The following RALYL variants were observed in gnomAD, a reference collection of about 807,000 sequenced individuals.
The protein encoded by RALYL is RNA-binding Raly-like protein.
RALYL carries 29 observed loss-of-function variants against 35.1 expected under a neutral mutation model. The ratio of observed to expected loss-of-function variants is 0.83; its 90% CI spans 0.61 to 1.13. RALYL has a LOEUF of 1.13. Ranked by LOEUF, RALYL falls within the 50% of genes most tolerant of loss-of-function variation. RALYL has a pLI of 0.00. For synonymous variants in RALYL, 120 were observed against 127.6 expected (o/e 0.94, Z 0.40); for missense variants, 359 against 360.4 (o/e 1.00, Z 0.03).
At chr8:84,884,641 A>G (rs1417386363) in intron 7 of RALYL, among the ~76,000 whole-genome samples, 1 of 152,122 alleles carries the variant, frequency 6.6e-6, no homozygotes, top group Non-Finnish European at 1.5e-5. Context: ...AGAAATGGAT[A>G]TACTAGGCCA....
intron 2 of RALYL, among the ~76,000 whole-genome samples, chr8:84,657,973 T>C (rs1830256406): frequency 6.6e-6 from 1 of 152,134 alleles, no homozygotes; most frequent in Non-Finnish European, 1.5e-5. Context: ...TCTGTCTTGG[T>C]CAAGGGGATC....
intron 7 of RALYL, among the ~76,000 whole-genome samples, chr8:84,881,993 T>C (rs1184908349): frequency 6.6e-6 from 1 of 151,968 alleles, no homozygotes; most frequent in African/African-American, 2.4e-5. Context: ...TGCCTCAGTT[T>C]CCCCATGTGT....
rs1849257616 is a variant in RALYL at position 84,921,021 on chromosome 8, T to C, written c.*110T>C. 1 of 561,266 alleles carries C rather than the reference T, an allele frequency of 1.8e-6. No individual in the cohort carries two copies. The highest frequency in any genetic ancestry group is 3.0e-6 in the Non-Finnish European group (1 of 330,702). The allele number at this position is 561,266 out of a possible 1,614,324, so 34.8% of individuals were successfully genotyped here. A position where few individuals can be genotyped will look rare whatever the true frequency, so the allele number is the denominator to read the frequency against. On this transcript the variant is annotated 3_prime_UTR_variant, in exon 9 of 9. Transcript: ENST00000521268. ...AGCAGCATCTTTGGTTCAATTTATA[T>C]AAAAACCCAAATAAATAAAATGGAC... is the stretch of plus-strand genomic sequence containing the variant.
intron 4 of RALYL, among the ~76,000 whole-genome samples, chr8:84,844,664 G>A (rs1834212997): frequency 6.6e-6 from 1 of 152,106 alleles, no homozygotes; most frequent in Admixed American, 6.5e-5. Flanking sequence ...AAAGACACAT[G>A]CACATGTATG....
intron 1 of RALYL, among the ~76,000 whole-genome samples, chr8:84,204,691 C>A (rs1436571584): frequency 6.6e-6 from 1 of 152,152 alleles, no homozygotes; most frequent in Non-Finnish European, 1.5e-5. Flanking sequence ...CTAAATGTAT[C>A]TACTTTGTGC....
chr8:84,421,716 C>T (rs1225078612), intron 1 of RALYL, among the ~76,000 whole-genome samples: 2 of 135,974 alleles, frequency 1.5e-5, no homozygotes, highest in African/African-American at 2.8e-5. Flanking sequence ...TTTTGAAATA[C>T]GTCCCATCAA....
At chr8:84,564,030 C>G (rs2061623770) in intron 2 of RALYL, among the ~76,000 whole-genome samples, 1 of 151,574 alleles carries the variant, frequency 6.6e-6, no homozygotes, top group African/African-American at 2.4e-5. Flanking sequence ...GAAACAATTT[C>G]TTCATATAAA....
chr8:84,842,968 C>G (rs1384501372), intron 4 of RALYL, among the ~76,000 whole-genome samples: 2 of 152,114 alleles, frequency 1.3e-5, no homozygotes. Context: ...GGATGTATCT[C>G]AAAATAATAA....
intron 1 of RALYL, among the ~76,000 whole-genome samples, chr8:84,492,517 T>A (rs1404519276): frequency 6.6e-6 from 1 of 152,128 alleles, no homozygotes; most frequent in Non-Finnish European, 1.5e-5. Flanking sequence ...CTTTATCTTT[T>A]TAGTGGATCT....
intron 1 of RALYL, among the ~76,000 whole-genome samples, chr8:84,278,061 C>T (rs538928294): frequency 7.9e-5 from 12 of 152,246 alleles, no homozygotes; most frequent in East Asian, 1.9e-4. Flanking sequence ...CCCTTTCACA[C>T]GGCCCTAGCA....
intron 2 of RALYL, among the ~76,000 whole-genome samples, chr8:84,696,390 C>T (rs1022467315): frequency 6.6e-6 from 1 of 151,828 alleles, no homozygotes; most frequent in South Asian, 2.1e-4. Flanking sequence ...TAGGTAGTCA[C>T]AAGCTGAAAT....
At chr8:84,826,151 G>T (rs775275581) in intron 4 of RALYL, among the ~76,000 whole-genome samples, 1 of 151,986 alleles carries the variant, frequency 6.6e-6, no homozygotes, top group Non-Finnish European at 1.5e-5. Flanking sequence ...GGAACTACTA[G>T]AGGGGGAAAG....
rs73295646 is a variant in RALYL at position 84,217,001 on chromosome 8, C to T, written c.-24+32577C>T. 5.4e-3 allele frequency among the ~76,000 whole-genome samples: 816 copies of T among 152,198 alleles called. 8 individuals are homozygous for T. Among genetic ancestry groups the T allele is most frequent in the African/African-American group, 0.019 (772 of 41,550 alleles). On this transcript the variant is annotated intron_variant, in intron 1 of 8. Transcript: ENST00000521268. ...GGAACTAGCTTACATCTATATGCTG[C>T]TAGCATAGATCAACTTTGTAATGAC...
intron 2 of RALYL, among the ~76,000 whole-genome samples, chr8:84,761,096 G>A (rs1484468015): frequency 6.6e-6 from 1 of 151,960 alleles, no homozygotes; most frequent in Non-Finnish European, 1.5e-5. Context: ...ATAGAATAGG[G>A]AATCTCTTCC....
chr8:84,601,533 T>C (rs1223606575), intron 2 of RALYL, among the ~76,000 whole-genome samples: 1 of 151,972 alleles, frequency 6.6e-6, no homozygotes, highest in Non-Finnish European at 1.5e-5. Context: ...CAGATGAAGC[T>C]GGTTTTGCTC....
intron 7 of RALYL, among the ~76,000 whole-genome samples, chr8:84,881,858 A>G (rs1014784459): frequency 4.0e-5 from 6 of 151,880 alleles, no homozygotes; most frequent in Admixed American, 6.6e-5. Context: ...TTCCCTTGGT[A>G]TGTCAAATTA....
intron 1 of RALYL, among the ~76,000 whole-genome samples, chr8:84,478,136 A>T: frequency 6.6e-6 from 1 of 152,262 alleles, no homozygotes; most frequent in East Asian, 1.9e-4. Context: ...AATTTATATT[A>T]ATATTGTAGA....
chr8:84,794,384 C>A (rs1222288392), intron 3 of RALYL, among the ~76,000 whole-genome samples: 1 of 152,162 alleles, frequency 6.6e-6, no homozygotes, highest in Non-Finnish European at 1.5e-5. Context: ...GCACTCTTGA[C>A]AGAAGGCACA....
intron 1 of RALYL, among the ~76,000 whole-genome samples, chr8:84,308,776 G>A (rs1349436156): frequency 1.3e-5 from 2 of 151,646 alleles, no homozygotes; most frequent in African/African-American, 4.9e-5. Flanking sequence ...AATAAAAATG[G>A]GTTGAATTTA....
Sources: gnomAD v4.1 joint callset for allele counts (sites outside exome capture counted in the v4.1 genomes callset) on GRCh38, gnomAD v4.1.1 for gene constraint, MANE v1.5 for transcripts, NCBI Gene and HGNC (gene_info 2026-07-23, HGNC 2026-07-21) for gene names.